Variants in NCOA1 observed in about 807,000 individuals in gnomAD.
NCOA1 encodes nuclear receptor coactivator 1, also known as Hin-2 protein.
A neutral mutation model predicts 150.9 loss-of-function variants in NCOA1; 35 were observed. That is an observed-to-expected ratio of 0.23 (90% CI 0.18 to 0.31). The LOEUF is 0.31. Ranked by LOEUF, NCOA1 falls within the 10% of genes least tolerant of loss-of-function variation. The pLI is 1.00. For missense variants in NCOA1, 1,491 were observed against 1,749.3 expected (o/e 0.85, Z 2.63); for synonymous variants, 590 against 630.0 (o/e 0.94, Z 0.95).
intron 4 of NCOA1, among the ~76,000 whole-genome samples, chr2:24,651,926 T>C (rs1670728373): frequency 6.6e-6 from 1 of 152,076 alleles, no homozygotes; most frequent in African/African-American, 2.4e-5. Context: ...CCTTGTACAT[T>C]ACTGGTGGGA....
Position 24,711,046 on chromosome 2 carries a change from T to C in NCOA1, c.2534T>C (p.Ile845Thr). The change falls in exon 14 of 23, where the codon ATC becomes ACC. Residue 845 changes from isoleucine (I) to threonine (T), a missense_variant. Around this residue, in one of 8 missense-constraint regions of NCOA1, gnomAD observed 703 missense variants for 717.7 expected, o/e 0.98. Coordinates refer to ENST00000348332, the MANE Select transcript of NCOA1 (RefSeq NM_003743.5). ...RMDGAVTSVT[I>T]KSEILPASLQ... Reference sequence around the variant, plus strand: ...GATGGTGCGGTCACCAGTGTAACCATCAAATCGGAGATCCTGCCAGCTTCA... The same window carrying C: ...GATGGTGCGGTCACCAGTGTAACCACCAAATCGGAGATCCTGCCAGCTTCA... 2 of 1,614,144 alleles carry C rather than the reference T, an allele frequency of 1.2e-6. No individual in the cohort carries two copies. Among genetic ancestry groups the C allele is most frequent in the East Asian group, 2.2e-5 (1 of 44,884 alleles).
intron 3 of NCOA1, among the ~76,000 whole-genome samples, chr2:24,624,021 T>A (rs1669293046): frequency 6.6e-6 from 1 of 152,204 alleles, no homozygotes; most frequent in South Asian, 2.1e-4. Context: ...ATTAATAATA[T>A]TAAGGTGTTG....
intron 1 of NCOA1, among the ~76,000 whole-genome samples, chr2:24,550,333 C>G (rs568941613): frequency 7.6e-4 from 116 of 152,282 alleles, no homozygotes; most frequent in African/African-American, 2.7e-3. Context: ...AAGACATACC[C>G]AAGACAGGGC....
rs979559677 is a variant in NCOA1 at position 24,523,605 on chromosome 2, C to CAAAAAAAAAAAAAAAAA, written c.-396+32012_-396+32028dup. 5.3e-3 allele frequency among the ~76,000 whole-genome samples: 93 copies of CAAAAAAAAAAAAAAAAA among 17,704 alleles called. 14 individuals are homozygous for CAAAAAAAAAAAAAAAAA. Among genetic ancestry groups the CAAAAAAAAAAAAAAAAA allele is most frequent in the East Asian group, 7.6e-3 (4 of 524 alleles). 11.6% of individuals were successfully genotyped at this position (17,704 alleles called of 152,430 possible). A position where few individuals can be genotyped will look rare whatever the true frequency, so the allele number is the denominator to read the frequency against. On this transcript the variant is annotated intron_variant, in intron 1 of 22. Transcript: ENST00000348332. ...TGGGAGACAGAGTGAGACTCCGTCT[C>CAAAAAAAAAAAAAAAAA]AAAAAAAAAAAAAAAAAAAAAAAAA...
At chr2:24,666,021 TTA>T (rs1671407975) in intron 6 of NCOA1, 106 bp downstream of exon 6, 13 of 681,142 alleles carry the variant, frequency 1.9e-5, no homozygotes, top group Admixed American at 6.2e-5. Context: ...ATTATTATTA[TTA>T]TTTTTTGAGA....
chr2:24,713,161 G>A (rs370857909), intron 14 of NCOA1, among the ~76,000 whole-genome samples: 5 of 152,120 alleles, frequency 3.3e-5, no homozygotes, highest in East Asian at 1.9e-4. Context: ...AACCCAGGAG[G>A]CAGAGGTTGC....
At chr2:24,715,479 G>A (rs1286178071) in intron 14 of NCOA1, among the ~76,000 whole-genome samples, 3 of 152,076 alleles carry the variant, frequency 2.0e-5, no homozygotes, top group Non-Finnish European at 4.4e-5. Flanking sequence ...TATTCTATAA[G>A]TGTCCTGCAT....
chr2:24,691,477 T>A lies in NCOA1; in HGVS notation c.533-4T>A. On this transcript the variant is annotated splice_region_variant and splice_polypyrimidine_tract_variant and intron_variant, in intron 8 of 22. Transcript: ENST00000348332. ...CAAGCACATAATCAATTTTTCTTCC[T>A]CAGTAAATGGAGTTCCTTGGCCTCA... 6.2e-7 allele frequency: 1 copy of A among 1,611,346 alleles called. No individual in the cohort carries two copies. Among genetic ancestry groups the A allele is most frequent in the South Asian group, 1.1e-5 (1 of 90,618 alleles).
chr2:24,628,024 G>C (rs552024187), intron 3 of NCOA1, among the ~76,000 whole-genome samples: 1 of 152,292 alleles, frequency 6.6e-6, no homozygotes, highest in East Asian at 1.9e-4. Flanking sequence ...GGGAGGCCGG[G>C]CGCGGTGGCT....
chr2:24,759,788 AATATAATGTATAGAGGTAT>A (rs1664689570), intron 21 of NCOA1, among the ~76,000 whole-genome samples: 1 of 152,094 alleles, frequency 6.6e-6, no homozygotes. Flanking sequence ...ATAGAGGTAT[AATATAATGTATAGAGGTAT>A]ATATAATGTA....
chr2:24,580,147 CTT>C (rs1667140114), intron 2 of NCOA1, among the ~76,000 whole-genome samples: 2 of 152,182 alleles, frequency 1.3e-5, no homozygotes, highest in Admixed American at 6.5e-5. Context: ...TCATTTCTCT[CTT>C]ACTGTTTTTA....
In NCOA1 at chr2:24,710,926, C is replaced by G; in HGVS notation, c.2419-5C>G. On this transcript the variant is annotated splice_region_variant and splice_polypyrimidine_tract_variant and intron_variant, in intron 13 of 22. Coordinates refer to ENST00000348332, the MANE Select transcript of NCOA1 (RefSeq NM_003743.5). ...ATTTCCTCTAACTTTGGTTTCCATT[C>G]TTAGTTTACAGCTGACCTTGACCAG... The G allele has an allele frequency of 6.2e-7, 1 of 1,612,052 alleles. No homozygotes were observed. The highest frequency in any genetic ancestry group is 8.5e-7 in the Non-Finnish European group (1 of 1,179,246).
chr2:24,553,813 A>G (rs1665963655), intron 1 of NCOA1, among the ~76,000 whole-genome samples: 1 of 152,196 alleles, frequency 6.6e-6, no homozygotes, highest in Non-Finnish European at 1.5e-5. Context: ...GAATTGAGAA[A>G]CGTTTTCTTC....
chr2:24,629,060 G>A (rs751758033), intron 3 of NCOA1, among the ~76,000 whole-genome samples: 7 of 152,086 alleles, frequency 4.6e-5, no homozygotes, highest in African/African-American at 7.2e-5. Flanking sequence ...GTTTTGGGTA[G>A]CAGCAGTTGA....
intron 3 of NCOA1, among the ~76,000 whole-genome samples, chr2:24,631,780 T>C (rs1176639695): frequency 6.6e-6 from 1 of 152,194 alleles, no homozygotes; most frequent in Admixed American, 6.5e-5. Flanking sequence ...AGCTGGTTCT[T>C]TTTCACAAAC....
At chr2:24,640,547 T>C (rs1343162690) in intron 3 of NCOA1, among the ~76,000 whole-genome samples, 1 of 152,118 alleles carries the variant, frequency 6.6e-6, no homozygotes, top group East Asian at 1.9e-4. Context: ...GTGGCTCACA[T>C]CTATCATCCT....
chr2:24,635,451 T>C (rs963143092), intron 3 of NCOA1, among the ~76,000 whole-genome samples: 3 of 152,026 alleles, frequency 2.0e-5, no homozygotes, highest in Non-Finnish European at 2.9e-5. Flanking sequence ...CTGCTTGGTT[T>C]TGAAAAAGTT....
intron 3 of NCOA1, among the ~76,000 whole-genome samples, chr2:24,632,046 G>A (rs183355432): frequency 6.8e-6 from 1 of 146,842 alleles, no homozygotes; most frequent in Admixed American, 6.7e-5. Flanking sequence ...CCATGTAAAA[G>A]TGGTAGATTG....
intron 1 of NCOA1, among the ~76,000 whole-genome samples, chr2:24,534,423 T>A (rs1413486567): frequency 1.3e-5 from 2 of 151,054 alleles, no homozygotes; most frequent in Non-Finnish European, 3.0e-5. Context: ...TTTTTTTTTT[T>A]AAGGGTTTTT....
Sources: gnomAD v4.1 joint callset for allele counts (sites outside exome capture counted in the v4.1 genomes callset) on GRCh38, gnomAD v4.1.1 for gene constraint, gnomAD v4.1.1 regional missense constraint, MANE v1.5 for transcripts, NCBI Gene and HGNC (gene_info 2026-07-23, HGNC 2026-07-21) for gene names.